The following EFCAB12 variants were observed in gnomAD, a reference collection of about 807,000 sequenced individuals.
EFCAB12 encodes EF-hand calcium-binding domain-containing protein 12.
In EFCAB12, 43 loss-of-function variants were observed where a neutral mutation model predicts 53.6. The ratio of observed to expected loss-of-function variants is 0.80; its 90% confidence interval spans 0.63 to 1.03. The LOEUF is 1.03. Ranked by LOEUF, EFCAB12 falls within the 50% of genes least tolerant of loss-of-function variation. The pLI, the probability that EFCAB12 is intolerant of heterozygous loss-of-function variation, is 0.00. For synonymous variants in EFCAB12, 269 were observed against 289.2 expected, an observed-to-expected ratio of 0.93 and a Z score of 0.71; for missense variants, 646 against 730.6, an observed-to-expected ratio of 0.88 and a Z score of 1.34.
At chr3:129,410,371 C>T (rs2072020479) in intron 5 of EFCAB12, among the ~76,000 whole-genome samples, 1 of 151,298 alleles carries the variant, frequency 6.6e-6, no homozygotes, top group Non-Finnish European at 1.5e-5. Context: ...GGCTGGAGTC[C>T]AGTGGTGCGA....
intron 1 of EFCAB12, among the ~76,000 whole-genome samples, chr3:129,425,885 A>T (rs2072264749): frequency 6.6e-6 from 1 of 152,188 alleles, no homozygotes; most frequent in African/African-American, 2.4e-5. Flanking sequence ...TTTCTACTTA[A>T]CATGGTGGAC....
chr3:129,412,865 G>A (rs2072063732), intron 4 of EFCAB12: 1 of 152,264 alleles, frequency 6.6e-6, no homozygotes, highest in African/African-American at 2.4e-5. Context: ...CCACTGCTGT[G>A]TTCCCAGTTT....
intron 8 of EFCAB12, 104 bp downstream of exon 8, chr3:129,402,419 G>T: frequency 7.7e-7 from 1 of 1,294,752 alleles, no homozygotes. Context: ...CCAGGGCACC[G>T]AGCCCCAGCT....
At chr3:129,419,803 C>T (rs2072167211) in intron 2 of EFCAB12, among the ~76,000 whole-genome samples, 1 of 152,192 alleles carries the variant, frequency 6.6e-6, no homozygotes, top group Non-Finnish European at 1.5e-5. Context: ...TCTGTGACAG[C>T]AAGAGAGGCC....
chr3:129,423,708 C>T (rs1030649867), intron 1 of EFCAB12, among the ~76,000 whole-genome samples: 2 of 152,182 alleles, frequency 1.3e-5, no homozygotes, highest in African/African-American at 2.4e-5. Context: ...AACCCAAACT[C>T]CCTTGCTTAA....
rs1443220115 is a variant in EFCAB12 at position 129,401,702 on chromosome 3, G to T, written c.1610C>A (p.Pro537His). The change falls in exon 9 of 9, where the codon CCC (proline) becomes CAC (histidine). Residue 537 changes from proline to histidine, a missense_variant. By Grantham distance (77) the Pro-to-His change is moderately conservative (BLOSUM62 -2). Coordinates refer to ENST00000505956, the MANE Select transcript of EFCAB12 (RefSeq NM_207307.3). ...GTGGTAGGTGGCTGGGTAGACATGG[G>T]GCTGGTGTTGAACACAACTGAAGAG... ...LALFSCVQHQ[P>H]HVYPATYHPD... 6.3e-7 allele frequency: 1 copy of T among 1,594,294 alleles called. No individual in the cohort carries two copies. Among genetic ancestry groups the T allele is most frequent in the Non-Finnish European group, 8.5e-7 (1 of 1,170,442 alleles).
intron 5 of EFCAB12, 79 bp downstream of exon 5, chr3:129,411,079 G>T: frequency 6.8e-7 from 1 of 1,462,678 alleles, no homozygotes; most frequent in Non-Finnish European, 9.2e-7. Flanking sequence ...TGCAGCCAGC[G>T]GGTGGTGCTG....
chr3:129,406,789 C>T (rs2071957263), intron 6 of EFCAB12, among the ~76,000 whole-genome samples: 2 of 152,060 alleles, frequency 1.3e-5, no homozygotes, highest in Non-Finnish European at 1.5e-5. Flanking sequence ...AGGCATGAGC[C>T]ACTTCACGCT....
In EFCAB12 at chr3:129,418,385, G is replaced by A. The variant is rs763351484; in HGVS notation, c.550C>T (p.Pro184Ser). 8.1e-6 allele frequency: 13 copies of A among 1,613,428 alleles called. No homozygotes were observed. The highest frequency in any genetic ancestry group is 2.7e-5 in the African/African-American group (2 of 74,936). ...GAGTACATGACCGACAGGGCAGGGGGCTCGGGCAGCTGGAGCTGGGGCACC... is the reference window on the plus strand; with the variant it reads ...GAGTACATGACCGACAGGGCAGGGGACTCGGGCAGCTGGAGCTGGGGCACC... ...QMVPQLQLPE[P>S]PALSVMYSYL... The change falls in exon 3 of 9, where the codon CCC (proline) becomes TCC (serine). Residue 184 changes from proline (P) to serine (S), a missense_variant. Coordinates refer to ENST00000505956, the MANE Select transcript of EFCAB12 (RefSeq NM_207307.3).
At chr3:129,408,989 G>A (rs143129423) in intron 5 of EFCAB12, 131 bp from the exon 6 acceptor site, 11 of 943,604 alleles carry the variant, frequency 1.2e-5, no homozygotes, top group Admixed American at 6.7e-5. Flanking sequence ...GGCAACCAAC[G>A]TCCAGTGGGG....
chr3:129,408,321 C>T (rs2071979970), intron 6 of EFCAB12, among the ~76,000 whole-genome samples: 1 of 152,234 alleles, frequency 6.6e-6, no homozygotes, highest in African/African-American at 2.4e-5. Flanking sequence ...AGGGCTTTCT[C>T]ACTTGGAACT....
At chr3:129,417,401 T>C (rs1279621258) in intron 3 of EFCAB12, among the ~76,000 whole-genome samples, 1 of 138,836 alleles carries the variant, frequency 7.2e-6, no homozygotes, top group Non-Finnish European at 1.6e-5. Context: ...CCTCAGATAG[T>C]AAATATTTTA....
chr3:129,415,849 T>C lies in EFCAB12; in HGVS notation c.682-448A>G, dbSNP rs180960926. Among the ~76,000 whole-genome samples the C allele has an allele frequency of 1.4e-3, 216 of 152,340 alleles. 1 individual carries two copies. The highest frequency in any genetic ancestry group is 5.0e-3 in the African/African-American group (208 of 41,578). On this transcript the variant is annotated intron_variant, in intron 3 of 8. Coordinates refer to ENST00000505956, the MANE Select transcript of EFCAB12 (RefSeq NM_207307.3). Reference sequence around the variant, plus strand: ...TCCTGGAAAATGGGATCAAGAATACTATACTCCTCATTCTTTTAAGGACGA... The same window carrying C: ...TCCTGGAAAATGGGATCAAGAATACCATACTCCTCATTCTTTTAAGGACGA...
chr3:129,421,442 G>A lies in EFCAB12; in HGVS notation c.411C>T (p.Ala137=), dbSNP rs752678319. The A allele has an allele frequency of 3.1e-6, 5 of 1,614,032 alleles. No homozygotes were observed. In the Middle Eastern group the frequency reaches 6.6e-4, roughly 213 times the overall value. ...ENKPSITPSE[A]KVLHMIHEEQ... is the part of the protein sequence containing the mutation. ...CCTCGTGGATCATGTGTAAGACCTTGGCCTCTGAAGGCGTGATGCTGGGCT... is the reference window on the plus strand; with the variant it reads ...CCTCGTGGATCATGTGTAAGACCTTAGCCTCTGAAGGCGTGATGCTGGGCT... The change falls in exon 2 of 9, where the codon GCC becomes GCT. Residue 137 remains alanine (A), a synonymous_variant. Transcript: ENST00000505956.
chr3:129,402,486 C>A, intron 8 of EFCAB12, 37 bp downstream of exon 8: 1 of 1,599,930 alleles, frequency 6.3e-7, no homozygotes, highest in Non-Finnish European at 8.5e-7. Context: ...CCTCCTCCCA[C>A]CTTCCTTCCT....
chr3:129,428,408 G>A, intron 1 of EFCAB12, 32 bp downstream of exon 1: 1 of 1,591,084 alleles, frequency 6.3e-7, no homozygotes, highest in Non-Finnish European at 8.6e-7. Context: ...GGCGCTGAGC[G>A]CTCCCTGCAG....
intron 1 of EFCAB12, among the ~76,000 whole-genome samples, chr3:129,426,460 G>T (rs528120553): frequency 6.7e-6 from 1 of 149,624 alleles, no homozygotes; most frequent in African/African-American, 2.5e-5. Context: ...TGCCTCCCGG[G>T]TTCACGCCAT....
intron 6 of EFCAB12, among the ~76,000 whole-genome samples, chr3:129,404,958 A>G (rs975593837): frequency 3.9e-5 from 6 of 152,146 alleles, no homozygotes; most frequent in African/African-American, 1.4e-4. Context: ...GGCCACAGGC[A>G]TGCACCACCA....
chr3:129,425,158 G>A (rs956719923), intron 1 of EFCAB12, among the ~76,000 whole-genome samples: 1 of 152,084 alleles, frequency 6.6e-6, no homozygotes, highest in Non-Finnish European at 1.5e-5. Context: ...CAGGCCACGG[G>A]AACACAAAAC....
Sources: allele counts gnomAD v4.1 joint callset (sites outside exome capture counted in the v4.1 genomes callset), GRCh38; gene constraint gnomAD v4.1.1; transcripts MANE v1.5; gene names NCBI Gene and HGNC (gene_info 2026-07-23, HGNC 2026-07-21).